RPS24: variants seen among roughly 807,000 people sequenced by gnomAD.
RPS24 encodes ribosomal protein S24, also known as small ribosomal subunit protein eS24.
For missense variants in RPS24, 100 were observed against 162.5 expected, an observed-to-expected ratio of 0.62 and a Z score of 2.09; for synonymous variants, 72 against 55.6, an observed-to-expected ratio of 1.30 and a Z score of -1.31.
rs766457744 is a variant in RPS24, at chr10:78,033,879, C to T, written c.-23C>T. 11 of 1,614,054 alleles carry T rather than the reference C, an allele frequency of 6.8e-6. No homozygotes were observed. Among genetic ancestry groups the T allele is most frequent in the South Asian group, 5.5e-5 (5 of 91,090 alleles). On this transcript the variant is annotated 5_prime_UTR_variant, in exon 1 of 6. Coordinates refer to ENST00000372360, the MANE Select transcript of RPS24 (RefSeq NM_033022.4). ...ATCGTGGTTCTCTTTTCCTCCTTGG[C>T]TGTCTGAAGATAGATCGCCATCATG... is the stretch of plus-strand genomic sequence containing the variant.
chr10:78,036,331 T>C (rs3824717), intron 3 of RPS24: 113,407 of 159,552 alleles, frequency 0.71, 41,091 homozygotes, highest in African/African-American at 0.85. Context: ...GAGAGAGAGT[T>C]TAGCTCTGTC....
intron 4 of RPS24, among the ~76,000 whole-genome samples, chr10:78,048,513 G>A (rs1250374379): frequency 6.6e-6 from 1 of 152,102 alleles, no homozygotes; most frequent in African/African-American, 2.4e-5. Flanking sequence ...TGGGTTATAA[G>A]GGGATTCAAA....
chr10:78,055,187 G>C, exon 5 of RPS24: 1 of 1,084,388 alleles, frequency 9.2e-7, no homozygotes, highest in South Asian at 3.8e-5. Context: ...ACCTCCCCAC[G>C]CCCCCACAAT....
downstream of RPS24, among the ~76,000 whole-genome samples, chr10:78,041,647 G>C (rs1041359018): frequency 6.6e-6 from 1 of 152,192 alleles, no homozygotes; most frequent in African/African-American, 2.4e-5. Flanking sequence ...GACTGAGCTG[G>C]AGTGTGGAAG....
Position 78,054,611 on chromosome 10 carries a change from G to A in RPS24, c.471G>A (p.Lys157=), listed in dbSNP as rs1056832472. 8 of 1,551,604 alleles carry A rather than the reference G, an allele frequency of 5.2e-6. No individual in the cohort carries two copies. In the African/African-American group the frequency reaches 8.2e-5, roughly 16 times the overall value. ...GATGCACAGATGTGAAGAACTCGAA[G>A]GCAAGAGAAAGCCGGGGGGTTGTGT... The change falls in exon 5 of 5, where the codon AAG becomes AAA. Residue 157 remains lysine, a synonymous_variant. Transcript: ENST00000440692.
downstream of RPS24, among the ~76,000 whole-genome samples, chr10:78,041,891 A>C (rs1161806157): frequency 6.6e-6 from 1 of 152,216 alleles, no homozygotes; most frequent in African/African-American, 2.4e-5. Context: ...TTGGCATCAA[A>C]GTCACGAAGT....
intron 1 of RPS24, chr10:78,034,303 C>T (rs935160182): frequency 1.9e-5 from 6 of 317,830 alleles, no homozygotes; most frequent in Non-Finnish European, 3.0e-5. Context: ...CGGGCAGCGC[C>T]TGGGCGAGTT....
chr10:78,041,339 C>T (rs534424225), downstream of RPS24, among the ~76,000 whole-genome samples: 20 of 152,292 alleles, frequency 1.3e-4, no homozygotes, highest in Non-Finnish European at 2.6e-4. Context: ...GACAGGAGGG[C>T]AGGGCTGAGA....
intron 1 of RPS24, 25 bp from the exon 2 acceptor site, chr10:78,035,327 T>A: frequency 6.2e-7 from 1 of 1,611,962 alleles, no homozygotes; most frequent in Non-Finnish European, 8.5e-7. Flanking sequence ...AGTAGTTTTA[T>A]TAACCAGAGT....
chr10:78,048,398 G>A (rs12266268), intron 4 of RPS24, among the ~76,000 whole-genome samples: 9,237 of 152,032 alleles, frequency 0.061, 968 homozygotes, highest in African/African-American at 0.21. Context: ...CCAGGGATTG[G>A]CATCCTATAC....
chr10:78,047,835 T>G (rs1848061390), intron 4 of RPS24, among the ~76,000 whole-genome samples: 1 of 152,218 alleles, frequency 6.6e-6, no homozygotes, highest in Admixed American at 6.5e-5. Context: ...GCTTCAGCCT[T>G]CTGCCTACAG....
intron 4 of RPS24, among the ~76,000 whole-genome samples, chr10:78,052,107 C>T (rs898105903): frequency 1.3e-5 from 2 of 152,076 alleles, no homozygotes; most frequent in Non-Finnish European, 2.9e-5. Flanking sequence ...CTCACTGCAA[C>T]CTCTGCCTCC....
At chr10:78,047,323 A>G (rs1443948356) in intron 4 of RPS24, among the ~76,000 whole-genome samples, 1 of 151,982 alleles carries the variant, frequency 6.6e-6, no homozygotes, top group East Asian at 1.9e-4. Flanking sequence ...AAGTTTGAGA[A>G]CCACTGAGCT....
Position 78,040,696 on chromosome 10 carries a change from C to G in RPS24, c.*101C>G. On this transcript the variant is annotated 3_prime_UTR_variant, in exon 6 of 6. Coordinates refer to ENST00000372360, the MANE Select transcript of RPS24 (RefSeq NM_033022.4). ...AAGAACATTAATAAACTAAAAACTTCATGTGTCTGGTTGTTTGAAATGTAT... is the reference window on the plus strand; with the variant it reads ...AAGAACATTAATAAACTAAAAACTTGATGTGTCTGGTTGTTTGAAATGTAT... 6.2e-7 allele frequency: 1 copy of G among 1,611,916 alleles called. No individual in the cohort carries two copies. Among genetic ancestry groups the G allele is most frequent in the Non-Finnish European group, 8.5e-7 (1 of 1,178,132 alleles).
chr10:78,053,272 G>A (rs954785940), intron 4 of RPS24, among the ~76,000 whole-genome samples: 1 of 152,176 alleles, frequency 6.6e-6, no homozygotes. Flanking sequence ...TGTTGCTGGT[G>A]GTACACAAGC....
chr10:78,054,628 G>T (rs778280537), exon 5 of RPS24: 55 of 1,551,590 alleles, frequency 3.5e-5, no homozygotes, highest in Non-Finnish European at 4.4e-5. Flanking sequence ...GAAAGCCGGG[G>T]GGTTGTGTGG....
intron 4 of RPS24, chr10:78,038,806 A>AT (rs1268070096): frequency 6.6e-6 from 1 of 151,932 alleles, no homozygotes; most frequent in East Asian, 1.9e-4. Flanking sequence ...TGCCCTGCCA[A>AT]TTTTTTGTAG....
chr10:78,036,021 A>G (rs115281408), intron 3 of RPS24: 1 of 401,658 alleles, frequency 2.5e-6, no homozygotes, highest in Non-Finnish European at 4.7e-6. Flanking sequence ...CCTGGCACCA[A>G]ATTCACTTAG....
At chr10:78,052,630 G>A (rs939789404) in intron 4 of RPS24, among the ~76,000 whole-genome samples, 1 of 152,218 alleles carries the variant, frequency 6.6e-6, no homozygotes, top group Non-Finnish European at 1.5e-5. Context: ...CCTTCTAGGG[G>A]TTATGTTGGA....
Sources: allele counts gnomAD v4.1 joint callset (sites outside exome capture counted in the v4.1 genomes callset), GRCh38; gene constraint gnomAD v4.1.1; transcripts MANE v1.5; gene names NCBI Gene and HGNC (gene_info 2026-07-23, HGNC 2026-07-21).